The following KCTD8 variants were observed in gnomAD, a reference collection of about 807,000 sequenced individuals.
KCTD8 encodes BTB/POZ domain-containing protein KCTD8.
In KCTD8, 27 loss-of-function variants were observed where a neutral mutation model predicts 31.5. The observed-to-expected ratio is 0.86, with a 90% CI of 0.63 to 1.18. The LOEUF is 1.18. KCTD8 is among the 50% of genes most tolerant of loss of function. The pLI, the probability that KCTD8 is intolerant of heterozygous loss-of-function variation, is 0.00. For synonymous variants in KCTD8, 290 were observed against 280.0 expected (o/e 1.04, Z -0.36); for missense variants, 658 against 647.7 (o/e 1.02, Z -0.17).
chr4:44,284,526 A>G (rs1716999248), intron 1 of KCTD8, among the ~76,000 whole-genome samples: 1 of 152,220 alleles, frequency 6.6e-6, no homozygotes. Flanking sequence ...ATCCTAGAAG[A>G]AAACCTGGGC....
chr4:44,290,494 A>G (rs1717239397), intron 1 of KCTD8, among the ~76,000 whole-genome samples: 1 of 152,188 alleles, frequency 6.6e-6, no homozygotes, highest in African/African-American at 2.4e-5. Flanking sequence ...ACCACTCAAA[A>G]ATCACAGATT....
At chr4:44,271,601 G>A (rs1281109809) in intron 1 of KCTD8, among the ~76,000 whole-genome samples, 1 of 152,112 alleles carries the variant, frequency 6.6e-6, no homozygotes, top group African/African-American at 2.4e-5. Flanking sequence ...TTACAGGAAT[G>A]AGGGCAAGGA....
intron 1 of KCTD8, among the ~76,000 whole-genome samples, 165 bp downstream of exon 1, chr4:44,447,398 A>G (rs1721968986): frequency 6.6e-6 from 1 of 152,192 alleles, no homozygotes; most frequent in Admixed American, 6.5e-5. Context: ...TGAAATGTAA[A>G]TCGTGTCTAC....
rs1251670646 is a variant in KCTD8 at position 44,307,471 on chromosome 4, C to T, written c.962-132221G>A. ...ATCATTTTCAAGAGGAATGTCATTT[C>T]TAGAAAATAGTCCAGCACTAGATCC... On this transcript the variant is annotated intron_variant, in intron 1 of 1. Transcript: ENST00000360029. Among the ~76,000 whole-genome samples, 5 of 151,886 alleles carry T rather than the reference C, an allele frequency of 3.3e-5. No homozygotes were observed. The East Asian group carries it at 5.8e-4, about 18-fold the overall frequency.
At chr4:44,439,904 ATTTATTTATTTATTTATTTATT>A (rs1721774824) in intron 1 of KCTD8, among the ~76,000 whole-genome samples, 2 of 106,988 alleles carry the variant, frequency 1.9e-5, no homozygotes, top group African/African-American at 7.0e-5. Context: ...ATTTATTTTT[ATTTATTTATTTATTTATTTATT>A]TATTTATTTA....
chr4:44,442,150 C>G (rs1300664335), intron 1 of KCTD8, among the ~76,000 whole-genome samples: 2 of 147,982 alleles, frequency 1.4e-5, no homozygotes, highest in Admixed American at 6.9e-5. Flanking sequence ...TTGGCACTTA[C>G]TAGTGGTGCT....
At chr4:44,268,549 T>C (rs1172892746) in intron 1 of KCTD8, among the ~76,000 whole-genome samples, 2 of 152,026 alleles carry the variant, frequency 1.3e-5, no homozygotes, top group Non-Finnish European at 2.9e-5. Flanking sequence ...GCCAGGGCAA[T>C]TAGGCAGGAG....
At chr4:44,382,819 T>A (rs1374906491) in intron 1 of KCTD8, among the ~76,000 whole-genome samples, 1 of 151,068 alleles carries the variant, frequency 6.6e-6, no homozygotes, top group East Asian at 1.9e-4. Context: ...GTCAGAGCAA[T>A]TAAACCTAAG....
At chr4:44,312,427 T>A (rs1488059627) in intron 1 of KCTD8, among the ~76,000 whole-genome samples, 1 of 152,180 alleles carries the variant, frequency 6.6e-6, no homozygotes, top group Non-Finnish European at 1.5e-5. Flanking sequence ...TTAATACTGA[T>A]GTTGGTCTTT....
intron 1 of KCTD8, among the ~76,000 whole-genome samples, chr4:44,405,476 C>T (rs941462886): frequency 4.6e-5 from 7 of 152,068 alleles, no homozygotes; most frequent in African/African-American, 1.7e-4. Flanking sequence ...CCAGAATGGT[C>T]TCGATCTCTT....
At chr4:44,241,278 C>T (rs1383993672) in intron 1 of KCTD8, among the ~76,000 whole-genome samples, 1 of 152,184 alleles carries the variant, frequency 6.6e-6, no homozygotes. Flanking sequence ...GTGAATATTA[C>T]AATTGTAAAA....
At chr4:44,360,732 T>TA (rs1466380310) in intron 1 of KCTD8, among the ~76,000 whole-genome samples, 1 of 152,004 alleles carries the variant, frequency 6.6e-6, no homozygotes, top group Non-Finnish European at 1.5e-5. Flanking sequence ...CTTTTAATTT[T>TA]AAAAAATATA....
At chr4:44,222,564 G>C (rs1714838050) in intron 1 of KCTD8, among the ~76,000 whole-genome samples, 1 of 152,200 alleles carries the variant, frequency 6.6e-6, no homozygotes, top group Admixed American at 6.5e-5. Context: ...ACATCAGTAA[G>C]ATACCTGGTG....
At chr4:44,405,885 C>A (rs1389846763) in intron 1 of KCTD8, among the ~76,000 whole-genome samples, 1 of 148,694 alleles carries the variant, frequency 6.7e-6, no homozygotes, top group Non-Finnish European at 1.5e-5. Context: ...TGTCCATGAG[C>A]CATTGTTCTA....
intron 1 of KCTD8, among the ~76,000 whole-genome samples, chr4:44,362,908 T>C (rs888275225): frequency 5.3e-5 from 8 of 152,098 alleles, no homozygotes; most frequent in African/African-American, 1.7e-4. Flanking sequence ...AATGTTATGA[T>C]ATATTTATAA....
At chr4:44,195,360 C>G (rs959962238) in intron 1 of KCTD8, among the ~76,000 whole-genome samples, 3 of 151,996 alleles carry the variant, frequency 2.0e-5, no homozygotes, top group African/African-American at 7.2e-5. Context: ...AAAATAAAAC[C>G]CAACAACATT....
intron 1 of KCTD8, among the ~76,000 whole-genome samples, chr4:44,237,274 G>A (rs1057088005): frequency 6.6e-6 from 1 of 152,012 alleles, no homozygotes; most frequent in Non-Finnish European, 1.5e-5. Flanking sequence ...TCCCAGGGAG[G>A]AGGAATGACA....
At chr4:44,442,343 T>G (rs1410950105) in intron 1 of KCTD8, among the ~76,000 whole-genome samples, 1 of 152,184 alleles carries the variant, frequency 6.6e-6, no homozygotes, top group Non-Finnish European at 1.5e-5. Flanking sequence ...TCCCAGCACT[T>G]TGGGAGTCCT....
intron 1 of KCTD8, among the ~76,000 whole-genome samples, chr4:44,407,966 T>C (rs1479933181): frequency 6.6e-6 from 1 of 152,174 alleles, no homozygotes; most frequent in Non-Finnish European, 1.5e-5. Flanking sequence ...TTACTGCCTA[T>C]TGCATTTTCA....
Sources: allele counts gnomAD v4.1 joint callset (sites outside exome capture counted in the v4.1 genomes callset), GRCh38; gene constraint gnomAD v4.1.1; transcripts MANE v1.5; gene names NCBI Gene and HGNC (gene_info 2026-07-23, HGNC 2026-07-21).